GRM5: variants seen among roughly 807,000 people sequenced by gnomAD.
GRM5 encodes metabotropic glutamate receptor 5.
Under a neutral mutation model 83.1 loss-of-function variants are expected in GRM5, and 19 were observed. That is an observed-to-expected ratio of 0.23 (90% CI 0.16 to 0.34). The LOEUF (loss-of-function observed/expected upper bound fraction) is 0.34, where lower values mean the gene tolerates loss of function less well. Among genes scored for constraint, GRM5 ranks in the 10% least tolerant of loss-of-function variants. The probability of loss-of-function intolerance (pLI) is 1.00; values close to 1 mark genes in which losing one functional copy is unlikely to be tolerated. For missense variants in GRM5, 1,160 were observed against 1,588.3 expected, an observed-to-expected ratio of 0.73 and a Z score of 4.58; for synonymous variants, 675 against 633.6, an observed-to-expected ratio of 1.07 and a Z score of -0.98.
rs779368980 is a variant in GRM5 at position 88,567,929 on chromosome 11, A to G, written c.1754T>C (p.Val585Ala). ...GGCCAGGAGGCCAAGGCAGGCAAAC[A>G]CCACAGCTGCAATGGGTTCAGGGTC... Reference protein sequence around the residue: ...WGDPEPIAAVVFACLGLLATL... With the variant: ...WGDPEPIAAVAFACLGLLATL... The change falls in exon 8 of 10, where the codon GTG becomes GCG. Residue 585 changes from valine (V) to alanine (A), a missense_variant. Val to Ala is a moderately conservative substitution (Grantham distance 64, BLOSUM62 0). Transcript: ENST00000305447. This position sits in a 1 kb window ranked among gnomAD's most constrained non-coding sequence, Gnocchi z 7.3. The G allele has an allele frequency of 2.5e-6, 4 of 1,613,900 alleles. No homozygotes were observed. The highest frequency in any genetic ancestry group is 3.4e-6 in the Non-Finnish European group (4 of 1,179,956).
At chr11:88,694,658 A>C (rs1370512313) in intron 3 of GRM5, among the ~76,000 whole-genome samples, 4 of 152,064 alleles carry the variant, frequency 2.6e-5, no homozygotes, top group African/African-American at 9.7e-5. Flanking sequence ...TTTTAAATGC[A>C]TGATTGGACA....
At chr11:88,936,842 T>C (rs12798499) in intron 2 of GRM5, among the ~76,000 whole-genome samples, 2,462 of 151,814 alleles carry the variant, frequency 0.016, 29 homozygotes, top group Middle Eastern at 0.054. Flanking sequence ...ATATTAAAAT[T>C]GAACAGCCCA....
chr11:88,971,657 C>T (rs550178782), intron 2 of GRM5, among the ~76,000 whole-genome samples: 3 of 152,136 alleles, frequency 2.0e-5, no homozygotes, highest in African/African-American at 7.2e-5. Context: ...GCATATGTAC[C>T]ACTTTTTTTA....
At chr11:89,051,481 G>T (rs931491871) in intron 1 of GRM5, among the ~76,000 whole-genome samples, 12 of 151,888 alleles carry the variant, frequency 7.9e-5, no homozygotes, top group Admixed American at 7.2e-4. Flanking sequence ...AGGCCGAGGC[G>T]GGCAGTTCAC....
chr11:88,801,480 T>G (rs1463081057), intron 3 of GRM5, among the ~76,000 whole-genome samples: 26 of 152,182 alleles, frequency 1.7e-4, no homozygotes. Context: ...AATTCCATAT[T>G]GCCAGCAGTC....
intron 7 of GRM5, among the ~76,000 whole-genome samples, chr11:88,584,191 CAT>C (rs1171378312): frequency 6.7e-6 from 1 of 148,566 alleles, no homozygotes; most frequent in African/African-American, 2.5e-5. Context: ...AATATTTTGT[CAT>C]ATGTTTCAAA....
intron 2 of GRM5, among the ~76,000 whole-genome samples, chr11:88,980,765 G>A (rs1302904876): frequency 3.9e-5 from 6 of 152,054 alleles, no homozygotes; most frequent in Admixed American, 6.6e-5. Context: ...AGAGCTTGCA[G>A]TGAGCCGAAA....
At chr11:88,932,707 G>T (rs1335756792) in intron 2 of GRM5, among the ~76,000 whole-genome samples, 1 of 149,602 alleles carries the variant, frequency 6.7e-6, no homozygotes, top group Non-Finnish European at 1.5e-5. Context: ...CATTTTTTAT[G>T]AATAAGAAGG....
At chr11:88,825,682 C>T (rs1405165074) in intron 3 of GRM5, among the ~76,000 whole-genome samples, 1 of 152,114 alleles carries the variant, frequency 6.6e-6, no homozygotes, top group Non-Finnish European at 1.5e-5. Flanking sequence ...AGTGGAAAGA[C>T]AAGCTGGACT....
intron 4 of GRM5, among the ~76,000 whole-genome samples, chr11:88,652,474 A>G (rs1380292025): frequency 1.3e-5 from 2 of 152,018 alleles, no homozygotes; most frequent in African/African-American, 4.8e-5. Flanking sequence ...TTATCATATC[A>G]CTTATAATTT....
chr11:88,918,712 A>G (rs1403352473), intron 2 of GRM5, among the ~76,000 whole-genome samples: 1 of 151,782 alleles, frequency 6.6e-6, no homozygotes, highest in East Asian at 1.9e-4. Context: ...TAGTATAAGA[A>G]GATATAAATA....
At chr11:88,584,031 C>T (rs1943264296) in intron 7 of GRM5, among the ~76,000 whole-genome samples, 1 of 151,938 alleles carries the variant, frequency 6.6e-6, no homozygotes, top group Non-Finnish European at 1.5e-5. Flanking sequence ...TTATAATTCC[C>T]AACTTAGTCT....
intron 4 of GRM5, among the ~76,000 whole-genome samples, chr11:88,622,646 T>G (rs1006738940): frequency 1.3e-5 from 2 of 152,176 alleles, no homozygotes; most frequent in Admixed American, 1.3e-4. Flanking sequence ...TCTGATCTTT[T>G]AATCAAAACA....
At chr11:89,022,314 G>C (rs188636207) in intron 2 of GRM5, among the ~76,000 whole-genome samples, 18 of 152,034 alleles carry the variant, frequency 1.2e-4, no homozygotes, top group Non-Finnish European at 1.6e-4. Flanking sequence ...ATATGAATAT[G>C]ATCCACCACA....
chr11:88,965,004 A>G (rs1210473986), intron 2 of GRM5, among the ~76,000 whole-genome samples: 1 of 152,154 alleles, frequency 6.6e-6, no homozygotes, highest in Admixed American at 6.6e-5. Flanking sequence ...AACAAATACA[A>G]TATACCTAGC....
chr11:88,829,997 G>GT (rs1565251230), intron 3 of GRM5, among the ~76,000 whole-genome samples: 1 of 151,886 alleles, frequency 6.6e-6, no homozygotes, highest in Non-Finnish European at 1.5e-5. Context: ...TGGGGAGAAA[G>GT]TAAGAAGAGA....
intron 7 of GRM5, among the ~76,000 whole-genome samples, chr11:88,587,131 T>C (rs1284213717): frequency 6.6e-6 from 1 of 152,168 alleles, no homozygotes; most frequent in Non-Finnish European, 1.5e-5. Context: ...CAGATATGTA[T>C]ACAGATCATT....
At chr11:88,932,932 A>G (rs565292235) in intron 2 of GRM5, among the ~76,000 whole-genome samples, 1 of 152,084 alleles carries the variant, frequency 6.6e-6, no homozygotes, top group South Asian at 2.1e-4. Context: ...GAAATTAGTT[A>G]TCTTCTCTCC....
rs140479355 is a variant in GRM5 at position 88,689,452 on chromosome 11, A to C, written c.912-36049T>G. 3.8e-3 allele frequency among the ~76,000 whole-genome samples: 578 copies of C among 152,322 alleles called. 2 individuals are homozygous for C. The highest frequency in any genetic ancestry group is 0.013 in the African/African-American group (556 of 41,572). ...AATGGCAGAAGAACTGAAGTGATGA[A>C]AGTAAGTTATAGGTGAAAGGAACAG... On this transcript the variant is annotated intron_variant, in intron 3 of 9. Transcript: ENST00000305447.
Sources: allele counts gnomAD v4.1 joint callset (sites outside exome capture counted in the v4.1 genomes callset), GRCh38; gene constraint gnomAD v4.1.1; non-coding constraint Gnocchi (gnomAD v3.1); transcripts MANE v1.5; gene names NCBI Gene and HGNC (gene_info 2026-07-23, HGNC 2026-07-21).